Variants in AHCYL2 observed in about 807,000 individuals in gnomAD.
AHCYL2 encodes the protein S-adenosylhomocysteine hydrolase-like protein 2.
Under a neutral mutation model 81.4 loss-of-function variants are expected in AHCYL2, and 28 were observed. The observed-to-expected ratio is 0.34, with a 90% CI of 0.25 to 0.47. AHCYL2 has a LOEUF of 0.47. Among genes scored for constraint, AHCYL2 ranks in the 20% least tolerant of loss-of-function variants. AHCYL2 has a pLI of 1.00. For synonymous variants in AHCYL2, 272 were observed against 290.2 expected (o/e 0.94, Z 0.64); for missense variants, 551 against 785.1 (o/e 0.70, Z 3.56).
At chr7:129,248,635 T>C (rs1488951890) in intron 1 of AHCYL2, among the ~76,000 whole-genome samples, 7 of 151,322 alleles carry the variant, frequency 4.6e-5, no homozygotes, top group South Asian at 2.1e-4. Context: ...TTTTTTTTTT[T>C]CAAAATTATT....
intron 1 of AHCYL2, among the ~76,000 whole-genome samples, chr7:129,367,365 A>G (rs1045515949): frequency 6.6e-6 from 1 of 152,216 alleles, no homozygotes; most frequent in African/African-American, 2.4e-5. Flanking sequence ...TGGTACTCTT[A>G]TTGGATAATA....
chr7:129,363,195 T>C (rs1793995024), intron 1 of AHCYL2, among the ~76,000 whole-genome samples: 1 of 152,184 alleles, frequency 6.6e-6, no homozygotes, highest in African/African-American at 2.4e-5. Context: ...TGCCAACTCC[T>C]CACCTACATG....
intron 1 of AHCYL2, among the ~76,000 whole-genome samples, chr7:129,274,977 G>A (rs6949950): frequency 0.24 from 36,920 of 151,980 alleles, 4,570 homozygotes; most frequent in South Asian, 0.37. Flanking sequence ...AGAGACAAGC[G>A]GTCTCTGCTG....
At chr7:129,233,706 C>T (rs1173437307) in intron 1 of AHCYL2, among the ~76,000 whole-genome samples, 1 of 152,080 alleles carries the variant, frequency 6.6e-6, no homozygotes, top group Admixed American at 6.5e-5. Context: ...CAGAATGGCT[C>T]AATCTCCTGA....
At chr7:129,325,640 C>G (rs1798195547) in intron 1 of AHCYL2, among the ~76,000 whole-genome samples, 1 of 151,994 alleles carries the variant, frequency 6.6e-6, no homozygotes, top group South Asian at 2.1e-4. Flanking sequence ...TTTGGAGATT[C>G]CATTTATATG....
intron 1 of AHCYL2, among the ~76,000 whole-genome samples, chr7:129,378,877 A>G (rs1343891189): frequency 3.9e-5 from 6 of 152,198 alleles, no homozygotes; most frequent in Non-Finnish European, 8.8e-5. Flanking sequence ...TTTCAGTGAA[A>G]CTGTATAAAA....
At chr7:129,348,553 A>G (rs1373631821) in intron 1 of AHCYL2, among the ~76,000 whole-genome samples, 1 of 152,238 alleles carries the variant, frequency 6.6e-6, no homozygotes, top group Non-Finnish European at 1.5e-5. Context: ...TTTGTGCCAT[A>G]GTTAAAAACA....
Position 129,426,952 on chromosome 7 carries a change from C to T in AHCYL2, c.1830-87C>T, listed in dbSNP as rs995474644. ...TACACTCCAGAAAAGTCTCTGCCTC[C>T]CTGTTACACCTTTAGGCAGGCTCTT... On this transcript the variant is annotated intron_variant, in intron 16 of 16. Transcript: ENST00000325006. This position sits in a 1 kb window ranked among gnomAD's most constrained non-coding sequence, Gnocchi z 4.3. 15 of 1,384,916 alleles carry T rather than the reference C, an allele frequency of 1.1e-5. No individual in the cohort carries two copies. The African/African-American group carries it at 2.2e-4, about 20-fold the overall frequency. 85.8% of individuals were successfully genotyped at this position (1,384,916 alleles called of 1,614,324 possible).
Position 129,230,547 on chromosome 7 carries a change from C to T in AHCYL2, c.363+5108C>T, listed in dbSNP as rs113179124. ...TTTTCAATTCAAATAGTACTCTGTTCGAAACTCAGGATGAACCTTCTAAAT... is the reference window on the plus strand; with the variant it reads ...TTTTCAATTCAAATAGTACTCTGTTTGAAACTCAGGATGAACCTTCTAAAT... On this transcript the variant is annotated intron_variant, in intron 1 of 16. Transcript: ENST00000325006. 6.7e-3 allele frequency among the ~76,000 whole-genome samples: 1,004 copies of T among 150,778 alleles called. 12 individuals carry two copies. Among genetic ancestry groups the T allele is most frequent in the South Asian group, 0.032 (154 of 4,740 alleles).
chr7:129,316,671 A>G (rs1233531330), intron 1 of AHCYL2, among the ~76,000 whole-genome samples: 1 of 152,226 alleles, frequency 6.6e-6, no homozygotes, highest in Non-Finnish European at 1.5e-5. Flanking sequence ...ACAACACAGT[A>G]CATAGTTCTT....
intron 13 of AHCYL2, among the ~76,000 whole-genome samples, chr7:129,423,769 T>G (rs1041570440): frequency 1.8e-4 from 28 of 152,180 alleles, no homozygotes; most frequent in Admixed American, 1.7e-3. Context: ...GTTAGGAGTT[T>G]TTAGTGTCCT....
At chr7:129,336,892 G>A (rs922602641) in intron 1 of AHCYL2, among the ~76,000 whole-genome samples, 3 of 152,066 alleles carry the variant, frequency 2.0e-5, no homozygotes, top group Non-Finnish European at 2.9e-5. Flanking sequence ...GACTGCAAGC[G>A]CAAGCCACCG....
Position 129,230,069 on chromosome 7 carries a change from T to C in AHCYL2, c.363+4630T>C, listed in dbSNP as rs113007242. On this transcript the variant is annotated intron_variant, in intron 1 of 16. Transcript: ENST00000325006. ...TACTTAGAGCTTTACATATACTGTT[T>C]TATTTAATTCTTTTTTTTTTTTTTT... is the stretch of plus-strand genomic sequence containing the variant. Among the ~76,000 whole-genome samples, 371 of 151,752 alleles carry C rather than the reference T, an allele frequency of 2.4e-3. 3 individuals are homozygous for C. Among genetic ancestry groups the C allele is most frequent in the African/African-American group, 8.7e-3 (362 of 41,408 alleles).
intron 12 of AHCYL2, among the ~76,000 whole-genome samples, chr7:129,420,965 AGTGGGC>A (rs1309243096): frequency 6.6e-6 from 1 of 152,186 alleles, no homozygotes; most frequent in Non-Finnish European, 1.5e-5. Flanking sequence ...CTTGATAGTG[AGTGGGC>A]TGGGTGCGGT....
rs13227656 is a variant in AHCYL2 at position 129,332,361 on chromosome 7, G to A, written c.364-47277G>A. 5.3e-3 allele frequency among the ~76,000 whole-genome samples: 803 copies of A among 152,230 alleles called. 2 individuals carry two copies. Among genetic ancestry groups the A allele is most frequent in the Non-Finnish European group, 8.6e-3 (583 of 68,014 alleles). ...GTGTATTTCTGAGATATATTTCTGA[G>A]TTTGGGTGTATTCACTCCTGAAGTT... On this transcript the variant is annotated intron_variant, in intron 1 of 16. Transcript: ENST00000325006.
chr7:129,225,116 G>T lies in AHCYL2; in HGVS notation c.40G>T (p.Val14Leu). 6.2e-7 allele frequency: 1 copy of T among 1,601,882 alleles called. No individual in the cohort carries two copies. The highest frequency in any genetic ancestry group is 8.5e-7 in the Non-Finnish European group (1 of 1,175,424). The change falls in exon 1 of 17, where the codon GTG becomes TTG. Residue 14 changes from valine (V) to leucine (L), a missense_variant. Physicochemically the swap from Val to Leu is conservative, Grantham distance 32. Transcript: ENST00000325006. The part of the protein sequence containing the change: ...QVVSAAAAAK[V>L]PEVELKDLSP... ...TGTGTCAGCCGCGGCTGCCGCCAAGGTGCCTGAGGTGGAGCTGAAGGACCT... is the reference window on the plus strand; with the variant it reads ...TGTGTCAGCCGCGGCTGCCGCCAAGTTGCCTGAGGTGGAGCTGAAGGACCT...
Position 129,409,538 on chromosome 7 carries a change from C to A in AHCYL2, c.1358C>A (p.Thr453Asn), listed in dbSNP as rs1283785413. 6.2e-7 allele frequency: 1 copy of A among 1,612,308 alleles called. No individual in the cohort carries two copies. Among genetic ancestry groups the A allele is most frequent in the Non-Finnish European group, 8.5e-7 (1 of 1,178,872 alleles). Residue 453 changes from threonine to asparagine, a missense_variant, in exon 11 of 17, where the codon ACC becomes AAC. Thr to Asn is a moderately conservative substitution (Grantham distance 65, BLOSUM62 0). Coordinates refer to ENST00000325006, the MANE Select transcript of AHCYL2 (RefSeq NM_015328.4). ...EVIRQVDIVI[T>N]CTGNKNVVTR... ...ATCCGACAAGTGGACATTGTTATTA[C>A]CTGTACAGGTATGATAATGACATTT... is the stretch of plus-strand genomic sequence containing the variant.
rs1796312586 is a variant in AHCYL2 at position 129,406,462 on chromosome 7, G to T, written c.1291G>T (p.Ala431Ser). ...AATTGACCCCATCTGTGCCCTGCAA[G>T]CCTGGTAAGCCTCTACGCTACCATC... ...TEIDPICALQ[A>S]CMDGFRLVKL... The change falls in exon 10 of 17, where the codon GCC becomes TCC. Residue 431 changes from alanine to serine, a missense_variant. Physicochemically the swap from Ala to Ser is moderately conservative, Grantham distance 99. Transcript: ENST00000325006. This position sits in a 1 kb window ranked among gnomAD's most constrained non-coding sequence, Gnocchi z 4.3. 6.2e-7 allele frequency: 1 copy of T among 1,613,978 alleles called. No homozygotes were observed.
chr7:129,382,503 G>A (rs1245653996), intron 2 of AHCYL2, among the ~76,000 whole-genome samples: 7 of 152,192 alleles, frequency 4.6e-5, no homozygotes, highest in African/African-American at 1.7e-4. Context: ...CGGAGTCTGA[G>A]GCATGAGAAT....
Sources: allele counts gnomAD v4.1 joint callset (sites outside exome capture counted in the v4.1 genomes callset), GRCh38; gene constraint gnomAD v4.1.1; non-coding constraint Gnocchi (gnomAD v3.1); transcripts MANE v1.5; gene names NCBI Gene and HGNC (gene_info 2026-07-23, HGNC 2026-07-21).